Variants in MGAT5B observed in about 807,000 individuals in gnomAD.
The protein encoded by MGAT5B is alpha-1,6-mannosylglycoprotein 6-beta-N-acetylglucosaminyltransferase B, also known as N-acetylglucosaminyl-transferase Vb.
Under a neutral mutation model 95.1 loss-of-function variants are expected in MGAT5B, and 54 were observed. That is an observed-to-expected ratio of 0.57 (90% CI 0.46 to 0.71). The LOEUF (loss-of-function observed/expected upper bound fraction) is 0.71. Ranked by LOEUF, MGAT5B falls within the 30% of genes least tolerant of loss-of-function variation. The pLI, the probability that MGAT5B is intolerant of heterozygous loss-of-function variation, is 0.00. For synonymous variants in MGAT5B, 464 were observed against 451.0 expected, an observed-to-expected ratio of 1.03 and a Z score of -0.36; for missense variants, 935 against 1,088.6, an observed-to-expected ratio of 0.86 and a Z score of 1.99.
chr17:76,909,406 T>G (rs1050307782), intron 8 of MGAT5B, among the ~76,000 whole-genome samples: 1 of 152,242 alleles, frequency 6.6e-6, no homozygotes, highest in African/African-American at 2.4e-5. Context: ...GCCCCAGAAC[T>G]GTTTGCATGT....
In MGAT5B at chr17:76,915,439, G is replaced by C. The variant is rs990414765; in HGVS notation, c.1025+9252G>C. Among the ~76,000 whole-genome samples the C allele has an allele frequency of 6.6e-6, 1 of 152,120 alleles. No homozygotes were observed. The highest frequency in any genetic ancestry group is 1.5e-5 in the Non-Finnish European group (1 of 68,032). ...TTCCCACAAGCCAGGTGGAGGCAGC[G>C]GGAGACGCGAGGAAGTGGACAAGAC... is the stretch of plus-strand genomic sequence containing the variant. On this transcript the variant is annotated intron_variant, in intron 8 of 17. Coordinates refer to ENST00000569840, the MANE Select transcript of MGAT5B (RefSeq NM_001199172.2). This position sits in a 1 kb window ranked among gnomAD's most constrained non-coding sequence, Gnocchi z 8.7.
rs1229179293 is a variant in MGAT5B at position 76,949,019 on chromosome 17, T to G, written c.*181T>G. On this transcript the variant is annotated 3_prime_UTR_variant, in exon 18 of 18. Transcript: ENST00000569840. ...TGCCCGGGAATAGGAGGAGGCAGCA[T>G]GCCGAGCCCCTGGGACCTCCCAGGC... 1 of 735,118 alleles carries G rather than the reference T, an allele frequency of 1.4e-6. No homozygotes were observed. Among genetic ancestry groups the G allele is most frequent in the Non-Finnish European group, 2.2e-6 (1 of 461,050 alleles). The allele number at this position is 735,118 out of a possible 1,614,324, so 45.5% of individuals were successfully genotyped here.
At chr17:76,894,004 C>T (rs1486589661) in intron 3 of MGAT5B, among the ~76,000 whole-genome samples, 3 of 152,210 alleles carry the variant, frequency 2.0e-5, no homozygotes, top group African/African-American at 4.8e-5. Context: ...AGCAACCCAG[C>T]GTGTCTCAGG....
At position 76,872,922 on chromosome 17, in the gene MGAT5B, C is replaced by T; in HGVS notation, c.140C>T (p.Ala47Val). 1.2e-6 allele frequency: 2 copies of T among 1,614,170 alleles called. No homozygotes were observed. Among genetic ancestry groups the T allele is most frequent in the Non-Finnish European group, 1.7e-6 (2 of 1,180,044 alleles). ...ACGTCTCTGGGAGGCCAGTTCTCGG[C>T]CCGGCGCCTGGGGGACTCGCCATTC... is the stretch of plus-strand genomic sequence containing the variant. ...LMTSLGGQFS[A>V]RRLGDSPFTI... The change falls in exon 2 of 18, where the codon GCC becomes GTC. Residue 47 changes from alanine to valine, a missense_variant. By Grantham distance (64) the Ala-to-Val change is moderately conservative. This residue lies in a region of MGAT5B where 243 missense variants were observed against 228.2 expected (regional missense o/e 1.06). Coordinates refer to ENST00000569840, the MANE Select transcript of MGAT5B (RefSeq NM_001199172.2).
intron 2 of MGAT5B, among the ~76,000 whole-genome samples, chr17:76,880,290 C>A (rs1967361708): frequency 6.6e-6 from 1 of 152,138 alleles, no homozygotes; most frequent in African/African-American, 2.4e-5. Context: ...CCTAGCCTGG[C>A]CGGCATTTCC....
intron 8 of MGAT5B, chr17:76,924,090 G>C (rs1457446053): frequency 3.3e-5 from 5 of 152,396 alleles, no homozygotes; most frequent in Admixed American, 3.3e-4. Flanking sequence ...TACGGATGCT[G>C]GCAGGGGGGG....
At chr17:76,931,017 C>G (rs1008773060) in intron 10 of MGAT5B, among the ~76,000 whole-genome samples, 4 of 152,224 alleles carry the variant, frequency 2.6e-5, no homozygotes, top group Non-Finnish European at 5.9e-5. Flanking sequence ...TAAAGCCAGC[C>G]CAGGCTCTGT....
rs1210084690 is a variant in MGAT5B at position 76,916,984 on chromosome 17, A to G, written c.1026-7982A>G. On this transcript the variant is annotated intron_variant, in intron 8 of 17. Coordinates refer to ENST00000569840, the MANE Select transcript of MGAT5B (RefSeq NM_001199172.2). This position sits in a 1 kb window ranked among gnomAD's most constrained non-coding sequence, Gnocchi z 5.3. ...GCTTTTTATTCTGGGTGAAGCCGGC[A>G]GAAGCACAGGGTGGTACGAATAACC... Among the ~76,000 whole-genome samples the G allele has an allele frequency of 6.6e-6, 1 of 152,190 alleles. No individual in the cohort carries two copies. Among genetic ancestry groups the G allele is most frequent in the Non-Finnish European group, 1.5e-5 (1 of 68,028 alleles).
chr17:76,905,764 T>C lies in MGAT5B; in HGVS notation c.856-254T>C, dbSNP rs1230465767. Reference sequence around the variant, plus strand: ...CAGAGCCCTTATCATTTCATGAAATTATCTCTTGTCTGTGTTCACTGTTGT... The same window carrying C: ...CAGAGCCCTTATCATTTCATGAAATCATCTCTTGTCTGTGTTCACTGTTGT... On this transcript the variant is annotated intron_variant, in intron 7 of 17. Coordinates refer to ENST00000569840, the MANE Select transcript of MGAT5B (RefSeq NM_001199172.2). This position sits in a 1 kb window ranked among gnomAD's most constrained non-coding sequence, Gnocchi z 4.2. 6.6e-6 allele frequency among the ~76,000 whole-genome samples: 1 copy of C among 151,800 alleles called. No individual in the cohort carries two copies. Among genetic ancestry groups the C allele is most frequent in the African/African-American group, 2.4e-5 (1 of 41,364 alleles).
rs1380203989 is a variant in MGAT5B, at chr17:76,881,332, G to A, written c.182-819G>A. On this transcript the variant is annotated intron_variant, in intron 2 of 17. Transcript: ENST00000569840. ...GCTGGGAGCAGAGGGAAGAGCAGCC[G>A]CCTCAGCCCCAGGGAACCTGCCCTT... Among the ~76,000 whole-genome samples, 6 of 152,188 alleles carry A rather than the reference G, an allele frequency of 3.9e-5. 1 individual carries two copies. In the East Asian group the frequency reaches 5.8e-4, roughly 15 times the overall value.
At position 76,930,306 on chromosome 17, in the gene MGAT5B, G is replaced by A. The variant is rs1969439275; in HGVS notation, c.1292-2339G>A. Among the ~76,000 whole-genome samples the A allele has an allele frequency of 6.6e-6, 1 of 152,276 alleles. No individual in the cohort carries two copies. The highest frequency in any genetic ancestry group is 1.9e-4 in the East Asian group (1 of 5,182). On this transcript the variant is annotated intron_variant, in intron 10 of 17. Coordinates refer to ENST00000569840, the MANE Select transcript of MGAT5B (RefSeq NM_001199172.2). The surrounding 1 kb of genome is among the most constrained non-coding windows in gnomAD (Gnocchi z 4.1). The stretch of plus-strand genomic sequence containing the variant: ...GATTATTACGTCTTGTGGGCCTTGA[G>A]GGGTGGGTGGGAATACTACAGTAGA...
Position 76,915,628 on chromosome 17 carries a change from T to G in MGAT5B, c.1026-9338T>G, listed in dbSNP as rs998715300. 2.0e-5 allele frequency among the ~76,000 whole-genome samples: 3 copies of G among 152,174 alleles called. No homozygotes were observed. Among genetic ancestry groups the G allele is most frequent in the Non-Finnish European group, 4.4e-5 (3 of 68,040 alleles). The stretch of plus-strand genomic sequence containing the variant: ...TATAATTTTCTGGATGCTTGGAATA[T>G]TTTGTAACTTATAAGCACACAGATT... On this transcript the variant is annotated intron_variant, in intron 8 of 17. Coordinates refer to ENST00000569840, the MANE Select transcript of MGAT5B (RefSeq NM_001199172.2). The surrounding 1 kb of genome is among the most constrained non-coding windows in gnomAD (Gnocchi z 8.7).
chr17:76,887,450 C>T (rs1201075212), intron 3 of MGAT5B, among the ~76,000 whole-genome samples: 1 of 107,690 alleles, frequency 9.3e-6, no homozygotes, highest in African/African-American at 3.6e-5. Context: ...TCCCTCCCTT[C>T]CTTCCTCCCT....
chr17:76,920,862 A>C (rs1227360002), intron 8 of MGAT5B, among the ~76,000 whole-genome samples: 3 of 152,172 alleles, frequency 2.0e-5, no homozygotes, highest in African/African-American at 7.2e-5. Flanking sequence ...TTTCTTGGCC[A>C]ACTATTAAAC....
intron 8 of MGAT5B, among the ~76,000 whole-genome samples, chr17:76,919,732 G>A (rs1969065185): frequency 6.6e-6 from 1 of 152,194 alleles, no homozygotes; most frequent in South Asian, 2.1e-4. Flanking sequence ...TGCCGGGCTG[G>A]CTTTTTACAA....
At chr17:76,888,499 A>T (rs547010504) in intron 3 of MGAT5B, among the ~76,000 whole-genome samples, 1 of 152,270 alleles carries the variant, frequency 6.6e-6, no homozygotes, top group South Asian at 2.1e-4. Flanking sequence ...TTCATAACAA[A>T]ATAACAGCCC....
chr17:76,927,699 G>A (rs1303095752), intron 10 of MGAT5B, among the ~76,000 whole-genome samples: 2 of 152,230 alleles, frequency 1.3e-5, no homozygotes, highest in East Asian at 1.9e-4. Flanking sequence ...AGAGGTGTGC[G>A]GAGCTGCGTC....
chr17:76,872,482 C>T (rs1409168931), intron 1 of MGAT5B, among the ~76,000 whole-genome samples: 1 of 152,228 alleles, frequency 6.6e-6, no homozygotes, highest in Non-Finnish European at 1.5e-5. Context: ...CTGGGCCCGG[C>T]ATTGGCATTT....
At chr17:76,902,882 G>C (rs1968369365) in intron 4 of MGAT5B, among the ~76,000 whole-genome samples, 1 of 152,186 alleles carries the variant, frequency 6.6e-6, no homozygotes, top group Non-Finnish European at 1.5e-5. Flanking sequence ...GACAGAGGAG[G>C]TCCCTGGAGT....
Sources: allele counts gnomAD v4.1 joint callset (sites outside exome capture counted in the v4.1 genomes callset), GRCh38; gene constraint gnomAD v4.1.1; regional missense constraint gnomAD v4.1.1; non-coding constraint Gnocchi (gnomAD v3.1); transcripts MANE v1.5; gene names NCBI Gene and HGNC (gene_info 2026-07-23, HGNC 2026-07-21).